Variants in IRS4 observed in about 807,000 individuals in gnomAD.
The protein encoded by IRS4 is 160 kDa phosphotyrosine protein.
In IRS4, 15 loss-of-function variants were observed where a neutral mutation model predicts 48.6. The ratio of observed to expected loss-of-function variants is 0.31; its 90% CI spans 0.21 to 0.48. The LOEUF (loss-of-function observed/expected upper bound fraction) is 0.48. Ranked by LOEUF, IRS4 falls within the 20% of genes least tolerant of loss-of-function variation. The pLI is 0.99. For missense variants in IRS4, 987 were observed against 1,023.4 expected (o/e 0.96, Z 0.49); for synonymous variants, 459 against 413.2 (o/e 1.11, Z -1.34).
Position 108,733,045 on chromosome X carries a change from G to C in IRS4, c.3300C>G (p.Val1100=), listed in dbSNP as rs373443693. The change falls in exon 1 of 2, where the codon GTC becomes GTG. Residue 1100 remains valine, a synonymous_variant. Coordinates refer to ENST00000372129, the MANE Select transcript of IRS4 (RefSeq NM_001379150.1). ...QSFFAAARAA[V]SAFPTDSLER... is the part of the protein sequence containing the mutation. ...CGAGGCTGTCTGTTGGAAAAGCAGAGACAGCGGCTCTGGCTGCTGCAAAGA... is the reference window on the plus strand; with the variant it reads ...CGAGGCTGTCTGTTGGAAAAGCAGACACAGCGGCTCTGGCTGCTGCAAAGA... 40 of 1,210,047 alleles carry C rather than the reference G, an allele frequency of 3.3e-5. No individual in the cohort carries two copies. The highest frequency in any genetic ancestry group is 3.9e-5 in the Non-Finnish European group (35 of 895,152).
chrX:108,725,194 T>C (rs1159835103), intron 1 of IRS4, among the ~76,000 whole-genome samples: 2 of 111,092 alleles, frequency 1.8e-5, no homozygotes, highest in Admixed American at 9.6e-5. Flanking sequence ...TATGCCTCTA[T>C]TACATTTTGA....
chrX:108,733,247 T>C lies in IRS4; in HGVS notation c.3098A>G (p.Asp1033Gly), dbSNP rs773113797. 8.3e-7 allele frequency: 1 copy of C among 1,210,081 alleles called. No individual in the cohort carries two copies. Among genetic ancestry groups the C allele is most frequent in the African/African-American group, 1.7e-5 (1 of 57,217 alleles). The change falls in exon 1 of 2, where the codon GAC (aspartate) becomes GGC (glycine). Residue 1033 changes from aspartate to glycine, a missense_variant. Physicochemically the swap from Asp to Gly is moderately conservative, Grantham distance 94 (BLOSUM62 -1). Transcript: ENST00000372129. ...SAMTPAMALADSAIRYDAETG... is the reference protein window; with the variant it reads ...SAMTPAMALAGSAIRYDAETG... ...TTCAGCATCATAGCGAATGGCACTGTCAGCAAGAGCCATGGCTGGTGTCAT... is the reference window on the plus strand; with the variant it reads ...TTCAGCATCATAGCGAATGGCACTGCCAGCAAGAGCCATGGCTGGTGTCAT...
At chrX:108,724,683 C>G (rs1350952990) in intron 1 of IRS4, 5 of 111,904 alleles carry the variant, frequency 4.5e-5, no homozygotes, top group Non-Finnish European at 7.5e-5. Context: ...GGCTAAAAGT[C>G]ATACCTTAGA....
chrX:108,728,225 G>C (rs2068883975), intron 1 of IRS4, among the ~76,000 whole-genome samples: 1 of 111,728 alleles, frequency 9.0e-6, no homozygotes, highest in African/African-American at 3.3e-5. Context: ...TTCAATTCCA[G>C]CACAAGTCAA....
Position 108,735,851 on chromosome X carries a change from C to G in IRS4, c.494G>C (p.Arg165Pro). The G allele has an allele frequency of 1.7e-6, 2 of 1,209,078 alleles. No individual in the cohort carries two copies. The highest frequency in any genetic ancestry group is 1.8e-5 in the South Asian group (1 of 56,831). The stretch of plus-strand genomic sequence containing the variant: ...TTGGGTGAAAAGAGCAATGAGGTGT[C>G]GGTACCTTGCATCTGCTCGCTGGCT... ...SVSQRADARY[R>P]HLIALFTQDE... Residue 165 changes from arginine (R) to proline (P), a missense_variant, in exon 1 of 2, where the codon CGA (arginine) becomes CCA (proline). Arg to Pro is a moderately radical substitution (Grantham distance 103, BLOSUM62 -2). This residue lies in a region of IRS4 where 173 missense variants were observed against 208.9 expected (regional missense o/e 0.83). Coordinates refer to ENST00000372129, the MANE Select transcript of IRS4 (RefSeq NM_001379150.1).
rs757566423 is a variant in IRS4, at chrX:108,720,184, T to C, written c.*2335A>G. 2 of 112,232 alleles carry C rather than the reference T, an allele frequency of 1.8e-5. No homozygotes were observed. Among genetic ancestry groups the C allele is most frequent in the East Asian group, 2.8e-4 (1 of 3,579 alleles). 9.2% of individuals were successfully genotyped at this position (112,232 alleles called of 1,213,427 possible). ...CAGATGTAATTAGCTGGTGGAACTG[T>C]AAAGTTTCAGTTTTTAACGACCAAG... On this transcript the variant is annotated 3_prime_UTR_variant, in exon 2 of 2. Coordinates refer to ENST00000372129, the MANE Select transcript of IRS4 (RefSeq NM_001379150.1).
In IRS4 at chrX:108,735,505, C is replaced by T. The variant is rs141364169; in HGVS notation, c.840G>A (p.Leu280=). The T allele has an allele frequency of 8.3e-7, 1 of 1,208,132 alleles. No individual in the cohort carries two copies. Residue 280 remains leucine (L), a synonymous_variant, in exon 1 of 2, where the codon CTG becomes CTA. Transcript: ENST00000372129. ...CCGAGTGTCCACAGCGACGGATGCT[C>T]AGGAGCTGGACGACCACGCTGGCCA... is the stretch of plus-strand genomic sequence containing the variant. ...TEVASVVVQL[L]SIRRCGHSEQ...
Position 108,736,064 on chromosome X carries a change from C to A in IRS4, c.281G>T (p.Arg94Leu). Residue 94 changes from arginine to leucine, a missense_variant, in exon 1 of 2, where the codon CGC (arginine) becomes CTC (leucine). By Grantham distance (102) the Arg-to-Leu change is moderately radical. This residue lies in a region of IRS4 where 173 missense variants were observed against 208.9 expected (regional missense o/e 0.83). Coordinates refer to ENST00000372129, the MANE Select transcript of IRS4 (RefSeq NM_001379150.1). ...YLRKQKHGHR[R>L]YFVLKLETAD... Reference sequence around the variant, plus strand: ...AGTCTCGAGTTTGAGCACGAAGTAGCGCCTGTGCCCATGCTTCTGTTTCCG... The same window carrying A: ...AGTCTCGAGTTTGAGCACGAAGTAGAGCCTGTGCCCATGCTTCTGTTTCCG... 8.3e-7 allele frequency: 1 copy of A among 1,210,588 alleles called. No homozygotes were observed.
rs1485285292 is a variant in IRS4 at position 108,734,327 on chromosome X, A to G, written c.2018T>C (p.Val673Ala). ...ACCTTCTGGGATCTCTGCATCTTTCACTTCTTTGGCTTCTTTGCATTCTTT... is the reference window on the plus strand; with the variant it reads ...ACCTTCTGGGATCTCTGCATCTTTCGCTTCTTTGGCTTCTTTGCATTCTTT... ...ATKECKEAKE[V>A]KDAEIPEGAA... is the part of the protein sequence containing the mutation. The change falls in exon 1 of 2, where the codon GTG becomes GCG. Residue 673 changes from valine (V) to alanine (A), a missense_variant. This residue lies in a region of IRS4 where 720 missense variants were observed against 660.3 expected (regional missense o/e 1.09). Coordinates refer to ENST00000372129, the MANE Select transcript of IRS4 (RefSeq NM_001379150.1). The G allele has an allele frequency of 8.3e-7, 1 of 1,208,064 alleles. No homozygotes were observed. The highest frequency in any genetic ancestry group is 1.8e-5 in the African/African-American group (1 of 56,421).
chrX:108,725,933 G>C (rs2068872768), intron 1 of IRS4: 1 of 111,915 alleles, frequency 8.9e-6, no homozygotes, highest in African/African-American at 3.3e-5. Context: ...TTATGCATGT[G>C]CATTCCAGTC....
chrX:108,720,385 AAAT>A lies in IRS4; in HGVS notation c.*2131_*2133del, dbSNP rs1396921530. On this transcript the variant is annotated 3_prime_UTR_variant, in exon 2 of 2. Transcript: ENST00000372129. ...ATAAATTAATTGTCTGTAAACTAAT[AAAT>A]AATGAGAACAAGATTGCATTTGTTA... 8.9e-6 allele frequency: 1 copy of A among 112,425 alleles called. No individual in the cohort carries two copies. The highest frequency in any genetic ancestry group is 3.2e-5 in the African/African-American group (1 of 30,936). The allele number at this position is 112,425 out of a possible 1,213,427, so 9.3% of individuals were successfully genotyped here.
Position 108,735,795 on chromosome X carries a change from C to T in IRS4, c.550G>A (p.Glu184Lys), listed in dbSNP as rs1408202123. 8.3e-7 allele frequency: 1 copy of T among 1,209,064 alleles called. No homozygotes were observed. Among genetic ancestry groups the T allele is most frequent in the South Asian group, 1.8e-5 (1 of 56,818 alleles). ...DEYFAMVAEN[E>K]SEQESWYLLL... is the part of the protein sequence containing the mutation. Reference sequence around the variant, plus strand: ...AAGTACCAGCTTTCCTGCTCCGACTCGTTCTCGGCCACCATCGCGAAGTAT... The same window carrying T: ...AAGTACCAGCTTTCCTGCTCCGACTTGTTCTCGGCCACCATCGCGAAGTAT... Residue 184 changes from glutamate (E) to lysine (K), a missense_variant, in exon 1 of 2, where the codon GAG becomes AAG. Physicochemically the swap from Glu to Lys is moderately conservative, Grantham distance 56 (BLOSUM62 1). Transcript: ENST00000372129.
Position 108,736,164 on chromosome X carries a change from C to G in IRS4, c.181G>C (p.Gly61Arg), listed in dbSNP as rs759115974. 2.5e-6 allele frequency: 3 copies of G among 1,210,449 alleles called. No individual in the cohort carries two copies. Among genetic ancestry groups the G allele is most frequent in the Non-Finnish European group, 3.4e-6 (3 of 895,135 alleles). The change falls in exon 1 of 2, where the codon GGC (glycine) becomes CGC (arginine). Residue 61 changes from glycine (G) to arginine (R), a missense_variant. Coordinates refer to ENST00000372129, the MANE Select transcript of IRS4 (RefSeq NM_001379150.1). ...TCGGACTCGGAGTCTGACCGGGAGC[C>G]AGTGGCCGTGGAGAGCCACATGGCT... ...PGAMWLSTAT[G>R]SRSDSESEEE...
chrX:108,733,140 G>A lies in IRS4; in HGVS notation c.3205C>T (p.Pro1069Ser). 1 of 1,211,396 alleles carries A rather than the reference G, an allele frequency of 8.3e-7. No homozygotes were observed. The highest frequency in any genetic ancestry group is 1.1e-6 in the Non-Finnish European group (1 of 895,010). ...TCCTGCAGCAGCCTAGCTACAGGTG[G>A]TGGTTCAGAACATCGGCTGGGGGAG... ...SLSPSRCSEP[P>S]PVARLLQEEE... Residue 1069 changes from proline (P) to serine (S), a missense_variant, in exon 1 of 2, where the codon CCA becomes TCA. Physicochemically the swap from Pro to Ser is moderately conservative, Grantham distance 74. Transcript: ENST00000372129.
chrX:108,730,324 C>A (rs1452929550), intron 1 of IRS4, among the ~76,000 whole-genome samples: 18 of 102,396 alleles, frequency 1.8e-4, no homozygotes, highest in African/African-American at 5.0e-4. Context: ...CACCACCACC[C>A]CCACCCCCGC....
In IRS4 at chrX:108,721,846, A is replaced by T. The variant is rs1015938984; in HGVS notation, c.*673T>A. The T allele has an allele frequency of 5.3e-5, 6 of 112,205 alleles. No homozygotes were observed. Among genetic ancestry groups the T allele is most frequent in the African/African-American group, 1.6e-4 (5 of 30,910 alleles). 9.2% of individuals were successfully genotyped at this position (112,205 alleles called of 1,213,427 possible). Reference sequence around the variant, plus strand: ...TTAAAATGTTGGAAATGCTCAATCAAGATATTAGTTTCATTGACATATAAC... The same window carrying T: ...TTAAAATGTTGGAAATGCTCAATCATGATATTAGTTTCATTGACATATAAC... On this transcript the variant is annotated 3_prime_UTR_variant, in exon 2 of 2. Coordinates refer to ENST00000372129, the MANE Select transcript of IRS4 (RefSeq NM_001379150.1).
chrX:108,734,415 C>T lies in IRS4; in HGVS notation c.1930G>A (p.Gly644Ser), dbSNP rs144417375. ...CTTCCCCCAGACTTCCCTTTTCCACCAGTTCCTCCAGCTGGTGGGGGTGGA... is the reference window on the plus strand; with the variant it reads ...CTTCCCCCAGACTTCCCTTTTCCACTAGTTCCTCCAGCTGGTGGGGGTGGA... ...PPPPPPAGGT[G>S]GKGKSGGRFR... Residue 644 changes from glycine to serine, a missense_variant, in exon 1 of 2, where the codon GGT becomes AGT. Physicochemically the swap from Gly to Ser is moderately conservative, Grantham distance 56 (BLOSUM62 0). Around this residue, in one of 4 missense-constraint regions of IRS4, gnomAD observed 720 missense variants for 660.3 expected, o/e 1.09. Coordinates refer to ENST00000372129, the MANE Select transcript of IRS4 (RefSeq NM_001379150.1). 4 of 1,209,950 alleles carry T rather than the reference C, an allele frequency of 3.3e-6. No homozygotes were observed. Among genetic ancestry groups the T allele is most frequent in the African/African-American group, 3.5e-5 (2 of 57,112 alleles).
At chrX:108,724,188 A>C (rs1203080705) in intron 1 of IRS4, 3 of 111,793 alleles carry the variant, frequency 2.7e-5, no homozygotes, top group Admixed American at 1.9e-4. Flanking sequence ...CATTATACTA[A>C]GATTAGGAAC....
Position 108,732,790 on chromosome X carries a change from C to G in IRS4, c.3555G>C (p.Ser1185=). The change falls in exon 1 of 2, where the codon TCG becomes TCC. Residue 1185 remains serine (S), a synonymous_variant. Transcript: ENST00000372129. Reference sequence around the variant, plus strand: ...CAGATGGGTTGTGGGCTCCAGGGTTCGAGCCACCGGCAACGTCTTGGGCTC... The same window carrying G: ...CAGATGGGTTGTGGGCTCCAGGGTTGGAGCCACCGGCAACGTCTTGGGCTC... The part of the protein sequence containing the change: ...VRGAQDVAGG[S]NPGAHNPSAN... The G allele has an allele frequency of 5.9e-6, 7 of 1,195,828 alleles. No homozygotes were observed. The highest frequency in any genetic ancestry group is 7.9e-6 in the Non-Finnish European group (7 of 885,833).
Sources: gnomAD v4.1 joint callset for allele counts (sites outside exome capture counted in the v4.1 genomes callset) on GRCh38, gnomAD v4.1.1 for gene constraint, gnomAD v4.1.1 regional missense constraint, MANE v1.5 for transcripts, NCBI Gene and HGNC (gene_info 2026-07-23, HGNC 2026-07-21) for gene names.